SLC35D4: variants seen among roughly 807,000 people sequenced by gnomAD.
SLC35D4 encodes solute carrier family 35 member D4.
the SLC35D4 span, among the ~76,000 whole-genome samples, chr18:23,389,039 G>C: frequency 7.1e-6 from 1 of 140,964 alleles, no homozygotes; most frequent in Non-Finnish European, 1.5e-5. Flanking sequence ...ACCCAGGCCA[G>C]AGTGCAGTGG....
At chr18:23,351,439 CA>C in the SLC35D4 span, among the ~76,000 whole-genome samples, 7 of 104,464 alleles carry the variant, frequency 6.7e-5, no homozygotes, top group South Asian at 2.9e-4. Context: ...AAAACAAAAA[CA>C]AAAAAATGCA....
At chr18:23,323,772 C>A in the SLC35D4 span, among the ~76,000 whole-genome samples, 1 of 152,162 alleles carries the variant, frequency 6.6e-6, no homozygotes, top group Non-Finnish European at 1.5e-5. Flanking sequence ...CCATGAGATT[C>A]GTGCCCTTAT....
At chr18:23,303,418 CAGCCCAG>C in the SLC35D4 span, among the ~76,000 whole-genome samples, 748 of 152,344 alleles carry the variant, frequency 4.9e-3, 6 homozygotes, top group African/African-American at 0.017. Flanking sequence ...GGATGTGAAA[CAGCCCAG>C]AGACAGCCTC....
the SLC35D4 span, among the ~76,000 whole-genome samples, chr18:23,364,083 C>T: frequency 1.3e-5 from 2 of 152,132 alleles, no homozygotes; most frequent in African/African-American, 2.4e-5. Flanking sequence ...GCAACAACTC[C>T]CTGAGGATCC....
chr18:23,386,196 C>T, the SLC35D4 span, among the ~76,000 whole-genome samples: 2 of 150,690 alleles, frequency 1.3e-5, no homozygotes, highest in African/African-American at 4.9e-5. Flanking sequence ...ATCCCTGGAA[C>T]CTGTAAATGT....
the SLC35D4 span, among the ~76,000 whole-genome samples, chr18:23,334,616 A>G: frequency 6.6e-6 from 1 of 152,222 alleles, no homozygotes; most frequent in African/African-American, 2.4e-5. Context: ...AATCAGACAC[A>G]GTCTACTTAT....
At chr18:23,381,193 T>C in the SLC35D4 span, among the ~76,000 whole-genome samples, 1 of 152,182 alleles carries the variant, frequency 6.6e-6, no homozygotes, top group East Asian at 1.9e-4. Flanking sequence ...CTTCAACCAA[T>C]GTGGAATGAT....
the SLC35D4 span, among the ~76,000 whole-genome samples, chr18:23,381,714 G>A: frequency 1.3e-5 from 2 of 152,114 alleles, no homozygotes; most frequent in Non-Finnish European, 1.5e-5. Context: ...TATTTCCAAG[G>A]ACAGGGCCTC....
At chr18:23,239,976 G>GGT in the SLC35D4 span, among the ~76,000 whole-genome samples, 12 of 152,206 alleles carry the variant, frequency 7.9e-5, no homozygotes, top group Admixed American at 2.6e-4. Flanking sequence ...AAATTAGCCA[G>GGT]GTGTGGTGTT....
At chr18:23,380,805 T>TGA in the SLC35D4 span, among the ~76,000 whole-genome samples, 1 of 151,000 alleles carries the variant, frequency 6.6e-6, no homozygotes, top group Non-Finnish European at 1.5e-5. Context: ...TATGTGTGCA[T>TGA]GAGTGTGTGT....
At chr18:23,417,589 CA>C in the SLC35D4 span, among the ~76,000 whole-genome samples, 1 of 151,850 alleles carries the variant, frequency 6.6e-6, no homozygotes, top group African/African-American at 2.4e-5. Context: ...AAGTTCTGGG[CA>C]AAAATAGTTA....
At chr18:23,278,408 A>G in the SLC35D4 span, among the ~76,000 whole-genome samples, 1 of 152,218 alleles carries the variant, frequency 6.6e-6, no homozygotes, top group African/African-American at 2.4e-5. Flanking sequence ...TGGTAAAAGC[A>G]AAAGTCTGGC....
At chr18:23,381,328 G>C in the SLC35D4 span, among the ~76,000 whole-genome samples, 2 of 152,106 alleles carry the variant, frequency 1.3e-5, no homozygotes, top group Non-Finnish European at 2.9e-5. Context: ...GTTTCCTCAG[G>C]GAAGTAGAAA....
the SLC35D4 span, among the ~76,000 whole-genome samples, chr18:23,276,778 C>T: frequency 6.6e-6 from 1 of 152,322 alleles, no homozygotes; most frequent in Admixed American, 6.5e-5. Flanking sequence ...CCCGCAGAGC[C>T]AGCTGCAATC....
At chr18:23,261,121 A>G in the SLC35D4 span, among the ~76,000 whole-genome samples, 1 of 152,144 alleles carries the variant, frequency 6.6e-6, no homozygotes, top group African/African-American at 2.4e-5. Context: ...GTGCTTCCTC[A>G]CACACAGACT....
the SLC35D4 span, chr18:23,373,654 A>C: frequency 1.3e-6 from 2 of 1,589,980 alleles, no homozygotes; most frequent in Admixed American, 3.4e-5. Context: ...CTGGTCATAC[A>C]CCCAGGCTTC....
At chr18:23,253,518 G>T in the SLC35D4 span, among the ~76,000 whole-genome samples, 4 of 152,076 alleles carry the variant, frequency 2.6e-5, no homozygotes, top group Non-Finnish European at 4.4e-5. Context: ...TGTTTTATAC[G>T]ACCTGACCAA....
At chr18:23,273,842 A>G in the SLC35D4 span, among the ~76,000 whole-genome samples, 1 of 152,358 alleles carries the variant, frequency 6.6e-6, no homozygotes, top group African/African-American at 2.4e-5. Context: ...GTGTGCCGGT[A>G]TGCTAAGCAC....
At chr18:23,317,763 C>A in the SLC35D4 span, among the ~76,000 whole-genome samples, 1 of 150,564 alleles carries the variant, frequency 6.6e-6, no homozygotes, top group Non-Finnish European at 1.5e-5. Context: ...TTTTTTCAGA[C>A]GGAGTCTCGC....
Sources: gnomAD v4.1 joint callset for allele counts (sites outside exome capture counted in the v4.1 genomes callset) on GRCh38, gnomAD v4.1.1 for gene constraint, MANE v1.5 for transcripts, NCBI Gene and HGNC (gene_info 2026-07-23, HGNC 2026-07-21) for gene names.